Variants in C16orf74 observed in about 807,000 individuals in gnomAD.
C16orf74 encodes the protein calcimembrin.
Under a neutral mutation model 6.5 loss-of-function variants are expected in C16orf74, and 10 were observed. The observed-to-expected ratio is 1.54, with a 90% CI of 0.95 to 2.61. The LOEUF (loss-of-function observed/expected upper bound fraction) is 2.61. C16orf74 is among the 30% of genes most tolerant of loss of function. The pLI is 0.00. For missense variants in C16orf74, 141 were observed against 105.9 expected (o/e 1.33, Z -1.45); for synonymous variants, 60 against 42.5 (o/e 1.41, Z -1.60).
intron 1 of C16orf74, among the ~76,000 whole-genome samples, chr16:85,737,855 C>A (rs938451260): frequency 6.6e-6 from 1 of 152,032 alleles, no homozygotes; most frequent in African/African-American, 2.4e-5. Flanking sequence ...AAAGAACAAG[C>A]TTGTACAACC....
chr16:85,749,330 G>T (rs2054409463), intron 1 of C16orf74, among the ~76,000 whole-genome samples: 1 of 152,052 alleles, frequency 6.6e-6, no homozygotes, highest in Non-Finnish European at 1.5e-5. Flanking sequence ...CTGTTGCCCA[G>T]GCTGGAATGC....
At chr16:85,734,614 C>T (rs1598800662) in intron 2 of C16orf74, among the ~76,000 whole-genome samples, 1 of 152,302 alleles carries the variant, frequency 6.6e-6, no homozygotes, top group East Asian at 1.9e-4. Context: ...GCAACTGTCA[C>T]CAAGGTAAAG....
At chr16:85,728,424 C>T (rs1555585641) in intron 2 of C16orf74, among the ~76,000 whole-genome samples, 1 of 152,170 alleles carries the variant, frequency 6.6e-6, no homozygotes, top group Non-Finnish European at 1.5e-5. Flanking sequence ...CAGGCAGCCC[C>T]AAGGGACCTT....
intron 1 of C16orf74, among the ~76,000 whole-genome samples, chr16:85,748,305 G>C (rs2054397053): frequency 6.6e-6 from 1 of 151,954 alleles, no homozygotes; most frequent in South Asian, 2.1e-4. Flanking sequence ...ATGGTTGAGA[G>C]AGTTATTATC....
In C16orf74 at chr16:85,740,381, C is replaced by T. The variant is rs529513919; in HGVS notation, c.-18-5146G>A. On this transcript the variant is annotated intron_variant, in intron 1 of 3. Transcript: ENST00000284245. ...ACCAGCCTGGCCAACATGGTGAAAC[C>T]CCATCTCTCTACTAAAAATACAAAA... 3.1e-3 allele frequency among the ~76,000 whole-genome samples: 475 copies of T among 151,422 alleles called. 3 individuals are homozygous for T. Among genetic ancestry groups the T allele is most frequent in the African/African-American group, 0.011 (463 of 41,244 alleles).
chr16:85,716,675 AGGAGGAGGAAGGCGAGAG>A (rs912874404), intron 2 of C16orf74, among the ~76,000 whole-genome samples: 17 of 132,358 alleles, frequency 1.3e-4, no homozygotes, highest in African/African-American at 4.6e-4. Context: ...GAGGAAGGGA[AGGAGGAGGAAGGCGAGAG>A]GGAGGAGGAA....
intron 2 of C16orf74, 58 bp downstream of exon 2, chr16:85,735,132 C>G: frequency 6.5e-7 from 1 of 1,539,926 alleles, no homozygotes; most frequent in South Asian, 1.2e-5. Flanking sequence ...TCTCCTGCCC[C>G]CCAACCCAGC....
At chr16:85,724,821 G>T (rs2054117303) in intron 2 of C16orf74, among the ~76,000 whole-genome samples, 2 of 152,206 alleles carry the variant, frequency 1.3e-5, no homozygotes, top group East Asian at 1.9e-4. Context: ...TCTTGGGCCA[G>T]GTGCCAGGGC....
chr16:85,719,785 G>T (rs113796513), intron 2 of C16orf74, among the ~76,000 whole-genome samples: 3 of 149,838 alleles, frequency 2.0e-5, no homozygotes, highest in South Asian at 2.1e-4. Context: ...GGCAGGAACA[G>T]AGGGGCCACA....
intron 1 of C16orf74, among the ~76,000 whole-genome samples, chr16:85,738,791 C>T (rs963801512): frequency 4.0e-5 from 6 of 151,780 alleles, no homozygotes; most frequent in African/African-American, 1.5e-4. Flanking sequence ...TGGCACTCAC[C>T]ATGGGCCCGG....
At position 85,707,660 on chromosome 16, in the gene C16orf74, G is replaced by A; in HGVS notation, c.*348C>T. 3.7e-6 allele frequency: 1 copy of A among 269,214 alleles called. No homozygotes were observed. Among genetic ancestry groups the A allele is most frequent in the Non-Finnish European group, 6.9e-6 (1 of 144,038 alleles). The allele number at this position is 269,214 out of a possible 1,614,324, so 16.7% of individuals were successfully genotyped here. On this transcript the variant is annotated 3_prime_UTR_variant, in exon 4 of 4. Coordinates refer to ENST00000284245, the MANE Select transcript of C16orf74 (RefSeq NM_206967.3). ...TTGTTGGTGCTTATGGCAGGGGCAT[G>A]TGTTTGCACAGCCCTGGGGGCTGGG...
At chr16:85,749,469 T>TG (rs913773103) in intron 1 of C16orf74, among the ~76,000 whole-genome samples, 6 of 151,302 alleles carry the variant, frequency 4.0e-5, no homozygotes, top group Non-Finnish European at 7.4e-5. Context: ...TTTTAGTAGC[T>TG]GGGGGGACTC....
At chr16:85,746,120 C>T (rs2054370668) in intron 1 of C16orf74, among the ~76,000 whole-genome samples, 1 of 152,052 alleles carries the variant, frequency 6.6e-6, no homozygotes, top group Non-Finnish European at 1.5e-5. Flanking sequence ...GATGAGGCGG[C>T]AGGCAGATCA....
intron 1 of C16orf74, among the ~76,000 whole-genome samples, chr16:85,748,922 T>C (rs1003908256): frequency 5.5e-5 from 4 of 73,012 alleles, no homozygotes; most frequent in African/African-American, 1.6e-4. Context: ...TTGGGAGGCT[T>C]TGATTTTTTT....
chr16:85,715,746 A>G (rs922970108), intron 2 of C16orf74, among the ~76,000 whole-genome samples: 1 of 152,156 alleles, frequency 6.6e-6, no homozygotes, highest in Non-Finnish European at 1.5e-5. Context: ...AACATCCAGG[A>G]CTGGCTGCGG....
chr16:85,749,770 G>A (rs571625299), intron 1 of C16orf74, among the ~76,000 whole-genome samples: 1 of 152,336 alleles, frequency 6.6e-6, no homozygotes, highest in African/African-American at 2.4e-5. Context: ...CCTGCACCTT[G>A]GGCTGGGAAA....
chr16:85,741,434 G>T (rs2054306726), intron 1 of C16orf74, among the ~76,000 whole-genome samples: 1 of 152,156 alleles, frequency 6.6e-6, no homozygotes, highest in African/African-American at 2.4e-5. Flanking sequence ...ACCAGAGGAT[G>T]GGGGACCAGG....
chr16:85,748,991 G>A (rs2054406207), intron 1 of C16orf74, among the ~76,000 whole-genome samples: 1 of 148,314 alleles, frequency 6.7e-6, no homozygotes, highest in East Asian at 1.9e-4. Context: ...ATGTTGCTCA[G>A]GTTGGTCTCA....
chr16:85,712,579 C>G (rs2053981196), intron 2 of C16orf74, among the ~76,000 whole-genome samples: 1 of 152,152 alleles, frequency 6.6e-6, no homozygotes, highest in Non-Finnish European at 1.5e-5. Context: ...AGCATGTACA[C>G]CTAGAGGACC....
Sources: gnomAD v4.1 joint callset for allele counts (sites outside exome capture counted in the v4.1 genomes callset) on GRCh38, gnomAD v4.1.1 for gene constraint, MANE v1.5 for transcripts, NCBI Gene and HGNC (gene_info 2026-07-23, HGNC 2026-07-21) for gene names.